The following LRRC7 variants were observed in gnomAD, a reference collection of about 807,000 sequenced individuals.
LRRC7 encodes leucine-rich repeat-containing protein 7.
In LRRC7, 23 loss-of-function variants were observed where a neutral mutation model predicts 175.7. The ratio of observed to expected loss-of-function variants is 0.13; its 90% confidence interval spans 0.09 to 0.19. The LOEUF (loss-of-function observed/expected upper bound fraction) is 0.19, where lower values mean the gene tolerates loss of function less well. LRRC7 is among the 10% of genes least tolerant of loss of function. The pLI is 1.00. For synonymous variants in LRRC7, 685 were observed against 680.9 expected (o/e 1.01, Z -0.09); for missense variants, 1,354 against 1,904.7 (o/e 0.71, Z 5.38).
At chr1:69,663,004 G>C (rs928378202) in intron 1 of LRRC7, among the ~76,000 whole-genome samples, 7 of 152,280 alleles carry the variant, frequency 4.6e-5, no homozygotes, top group South Asian at 4.1e-4. Flanking sequence ...GGTTTCATGA[G>C]GTTGGATGGT....
chr1:69,666,561 G>A (rs1270014972), intron 1 of LRRC7, among the ~76,000 whole-genome samples: 3 of 151,834 alleles, frequency 2.0e-5, no homozygotes, highest in Non-Finnish European at 4.4e-5. Flanking sequence ...TATGTGTGTA[G>A]GAATTTATCA....
chr1:70,040,979 G>A (rs1337999714), intron 21 of LRRC7, among the ~76,000 whole-genome samples: 2 of 152,068 alleles, frequency 1.3e-5, no homozygotes, highest in South Asian at 2.1e-4. Flanking sequence ...ATTGACCATC[G>A]TCATTCAGTG....
chr1:69,663,005 G>A (rs773337121), intron 1 of LRRC7, among the ~76,000 whole-genome samples: 1 of 152,202 alleles, frequency 6.6e-6, no homozygotes, highest in Non-Finnish European at 1.5e-5. Context: ...GTTTCATGAG[G>A]TTGGATGGTC....
At chr1:69,731,291 C>T (rs1261383400) in intron 2 of LRRC7, among the ~76,000 whole-genome samples, 1 of 151,996 alleles carries the variant, frequency 6.6e-6, no homozygotes, top group Non-Finnish European at 1.5e-5. Context: ...CCATTACCCC[C>T]ACCCCCAAAA....
At chr1:69,914,404 G>C (rs1050669125) in intron 7 of LRRC7, among the ~76,000 whole-genome samples, 1 of 152,140 alleles carries the variant, frequency 6.6e-6, no homozygotes, top group Admixed American at 6.5e-5. Context: ...GCTTCAACTG[G>C]AATATTTTCC....
intron 20 of LRRC7, among the ~76,000 whole-genome samples, chr1:70,037,870 G>A (rs778812568): frequency 3.5e-4 from 54 of 152,206 alleles, no homozygotes; most frequent in Non-Finnish European, 6.3e-4. Flanking sequence ...TACAATACAC[G>A]TAATAGATAA....
chr1:69,703,264 G>A (rs1428097984), intron 2 of LRRC7, among the ~76,000 whole-genome samples: 4 of 151,838 alleles, frequency 2.6e-5, no homozygotes, highest in African/African-American at 7.3e-5. Flanking sequence ...ATTATAAGTA[G>A]TAAAATTAAA....
chr1:69,909,904 A>G (rs1468863117), intron 7 of LRRC7, among the ~76,000 whole-genome samples: 1 of 152,136 alleles, frequency 6.6e-6, no homozygotes, highest in African/African-American at 2.4e-5. Context: ...ATTTTCAGGT[A>G]CACCAATCAG....
At chr1:69,994,486 A>C in intron 10 of LRRC7, 75 bp from the exon 11 acceptor site, 1 of 1,015,856 alleles carries the variant, frequency 9.8e-7, no homozygotes, top group Non-Finnish European at 1.5e-6. Context: ...CAAGTGATTC[A>C]TGTGATTTCT....
intron 7 of LRRC7, among the ~76,000 whole-genome samples, chr1:69,912,604 C>T (rs1206271483): frequency 6.6e-6 from 1 of 152,142 alleles, no homozygotes; most frequent in Non-Finnish European, 1.5e-5. Context: ...TTTTCCCTCA[C>T]AAAGAGCTCA....
intron 2 of LRRC7, among the ~76,000 whole-genome samples, chr1:69,725,432 G>A (rs1171124799): frequency 6.6e-6 from 1 of 152,100 alleles, no homozygotes; most frequent in African/African-American, 2.4e-5. Context: ...CATTCTGTTA[G>A]GAAGCCAAAG....
chr1:69,764,800 A>G (rs1171262040), intron 3 of LRRC7, among the ~76,000 whole-genome samples: 1 of 148,360 alleles, frequency 6.7e-6, no homozygotes, highest in Non-Finnish European at 1.5e-5. Context: ...CAGATAGATA[A>G]CTGGGCAAGA....
chr1:70,023,740 T>G (rs1380941028), intron 17 of LRRC7, among the ~76,000 whole-genome samples: 1 of 152,146 alleles, frequency 6.6e-6, no homozygotes, highest in Non-Finnish European at 1.5e-5. Context: ...ATATGCACAT[T>G]TTTTATAATG....
Position 69,780,304 on chromosome 1 carries a change from G to A in LRRC7, c.304-11739G>A, listed in dbSNP as rs1673338612. Among the ~76,000 whole-genome samples the A allele has an allele frequency of 2.6e-5, 4 of 152,138 alleles. No homozygotes were observed. In the South Asian group the frequency reaches 8.3e-4, roughly 31 times the overall value. On this transcript the variant is annotated intron_variant, in intron 3 of 26. Coordinates refer to ENST00000651989, the MANE Select transcript of LRRC7 (RefSeq NM_001370785.2). Reference sequence around the variant, plus strand: ...TTGGGAATAAAATGTTCTTTGCAAAGCCATCTCTCTGCTATAGTATTTATT... The same window carrying A: ...TTGGGAATAAAATGTTCTTTGCAAAACCATCTCTCTGCTATAGTATTTATT...
At chr1:69,706,069 A>T (rs994736011) in intron 2 of LRRC7, among the ~76,000 whole-genome samples, 4 of 152,112 alleles carry the variant, frequency 2.6e-5, no homozygotes, top group Non-Finnish European at 5.9e-5. Context: ...TGAATGCTGA[A>T]TTATTTTCAT....
At chr1:69,624,392 A>G (rs1651143706) in intron 1 of LRRC7, among the ~76,000 whole-genome samples, 1 of 152,110 alleles carries the variant, frequency 6.6e-6, no homozygotes, top group South Asian at 2.1e-4. Flanking sequence ...GGTCTTATTT[A>G]TTAATAGAAA....
chr1:70,093,021 C>A (rs570145155), intron 25 of LRRC7, among the ~76,000 whole-genome samples: 3 of 152,096 alleles, frequency 2.0e-5, no homozygotes, highest in Non-Finnish European at 4.4e-5. Flanking sequence ...CCAGTTCATT[C>A]ACCATAGAAC....
At chr1:69,885,878 A>T (rs1248239698) in intron 7 of LRRC7, among the ~76,000 whole-genome samples, 1 of 117,170 alleles carries the variant, frequency 8.5e-6, no homozygotes, top group South Asian at 2.7e-4. Flanking sequence ...TTATGTATCC[A>T]GTAGTCATTC....
At chr1:69,733,441 G>A (rs1017621886) in intron 2 of LRRC7, among the ~76,000 whole-genome samples, 16 of 151,992 alleles carry the variant, frequency 1.1e-4, no homozygotes, top group Admixed American at 2.0e-4. Flanking sequence ...TCCAGGAAAG[G>A]AGGAAAAATG....
Sources: allele counts gnomAD v4.1 joint callset (sites outside exome capture counted in the v4.1 genomes callset), GRCh38; gene constraint gnomAD v4.1.1; transcripts MANE v1.5; gene names NCBI Gene and HGNC (gene_info 2026-07-23, HGNC 2026-07-21).